The following FGF14 variants were observed in gnomAD, a reference collection of about 807,000 sequenced individuals.
FGF14 encodes fibroblast growth factor homologous factor 4.
In FGF14, 5 loss-of-function variants were observed where a neutral mutation model predicts 25.5. That is an observed-to-expected ratio of 0.20 (90% CI 0.10 to 0.41). The LOEUF (loss-of-function observed/expected upper bound fraction) is 0.41. Among genes scored for constraint, FGF14 ranks in the 10% least tolerant of loss-of-function variants. FGF14 has a pLI of 1.00. For synonymous variants in FGF14, 138 were observed against 118.3 expected (o/e 1.17, Z -1.08); for missense variants, 222 against 320.1 (o/e 0.69, Z 2.34).
chr13:101,790,733 C>G (rs147089445), intron 3 of FGF14, among the ~76,000 whole-genome samples: 1 of 152,126 alleles, frequency 6.6e-6, no homozygotes, highest in Non-Finnish European at 1.5e-5. Context: ...TTAAATAGTT[C>G]TGGGCTTATG....
At chr13:101,988,977 T>C (rs530136036) in intron 1 of FGF14, among the ~76,000 whole-genome samples, 1 of 152,084 alleles carries the variant, frequency 6.6e-6, no homozygotes, top group Non-Finnish European at 1.5e-5. Context: ...CAAACATAAT[T>C]GCTTTTAAGG....
At chr13:101,935,802 C>G (rs1427600287) in intron 1 of FGF14, among the ~76,000 whole-genome samples, 1 of 152,186 alleles carries the variant, frequency 6.6e-6, no homozygotes, top group Non-Finnish European at 1.5e-5. Flanking sequence ...GATGTTCTAT[C>G]CATCCAGCAA....
intron 1 of FGF14, among the ~76,000 whole-genome samples, chr13:101,979,174 G>T (rs1385436596): frequency 6.6e-6 from 1 of 152,202 alleles, no homozygotes. Context: ...ATGCTGCACT[G>T]TTCCGTGGTT....
rs112712809 is a variant in FGF14, at chr13:102,316,644, G to GTA, written c.208+84825_208+84826dup. ...GAACTATCTCTGTATATGTGTGTGT[G>GTA]TATATATATATGCATATAAAATATT... On this transcript the variant is annotated intron_variant, in intron 1 of 4. Coordinates refer to the FGF14 transcript ENST00000376131. Among the ~76,000 whole-genome samples the GTA allele has an allele frequency of 2.2e-3, 339 of 151,992 alleles. 2 individuals carry two copies. Among genetic ancestry groups the GTA allele is most frequent in the African/African-American group, 7.4e-3 (305 of 41,426 alleles).
chr13:101,825,347 C>T (rs1356316894), intron 3 of FGF14, among the ~76,000 whole-genome samples: 1 of 152,164 alleles, frequency 6.6e-6, no homozygotes, highest in East Asian at 1.9e-4. Context: ...AGTAAAGATT[C>T]TTGAGAGTAT....
intron 1 of FGF14, among the ~76,000 whole-genome samples, chr13:101,905,099 T>A (rs1000861946): frequency 2.0e-5 from 3 of 152,170 alleles, no homozygotes. Context: ...AAAACTATTG[T>A]CCCATGCATT....
chr13:102,184,093 G>A (rs1411909647), intron 1 of FGF14, among the ~76,000 whole-genome samples: 1 of 152,154 alleles, frequency 6.6e-6, no homozygotes, highest in Non-Finnish European at 1.5e-5. Flanking sequence ...GTCACTCAGG[G>A]GACTTGGTAA....
At chr13:101,984,725 CACAT>C (rs2038465644) in intron 1 of FGF14, among the ~76,000 whole-genome samples, 1 of 152,028 alleles carries the variant, frequency 6.6e-6, no homozygotes, top group African/African-American at 2.4e-5. Context: ...TCCCCAAAGA[CACAT>C]ACATGAAGTG....
rs1479379017 is a variant in FGF14 at position 101,716,843 on chromosome 13, C to T, written c.*5988G>A. On this transcript the variant is annotated 3_prime_UTR_variant, in exon 5 of 5. Transcript: ENST00000376143. ...CTTAAATAGAAATTACAAATATTCA[C>T]TCAGTGATAGGAACAAAATGTTTAT... 2 of 150,358 alleles carry T rather than the reference C, an allele frequency of 1.3e-5. No homozygotes were observed. Among genetic ancestry groups the T allele is most frequent in the Non-Finnish European group, 1.5e-5 (1 of 67,718 alleles). The allele number at this position is 150,358 out of a possible 1,614,324, so 9.3% of individuals were successfully genotyped here.
At chr13:101,723,268 AACAC>A (rs36111495) in intron 4 of FGF14, among the ~76,000 whole-genome samples, 7 of 150,036 alleles carry the variant, frequency 4.7e-5, no homozygotes, top group Admixed American at 3.3e-4. Context: ...CATGATGTAA[AACAC>A]ACACACACAC....
chr13:101,911,527 T>C (rs1038493746), intron 1 of FGF14, among the ~76,000 whole-genome samples: 2 of 152,138 alleles, frequency 1.3e-5, no homozygotes, highest in African/African-American at 4.8e-5. Context: ...TTCAGAAACC[T>C]ATAGCAAATA....
At position 101,751,028 on chromosome 13, in the gene FGF14, G is replaced by GA. The variant is rs201850511; in HGVS notation, c.409-24219dup. Among the ~76,000 whole-genome samples the GA allele has an allele frequency of 1.3e-4, 20 of 152,196 alleles. No homozygotes were observed. In the East Asian group the frequency reaches 3.7e-3, roughly 28 times the overall value. ...TCAGTGGTTGCCAAGGTCTAGAGGA[G>GA]AGGGGGAGGGTGGAGAGAGGGAGGG... On this transcript the variant is annotated intron_variant, in intron 3 of 4. Coordinates refer to ENST00000376143, the MANE Select transcript of FGF14 (RefSeq NM_004115.4).
intron 1 of FGF14, among the ~76,000 whole-genome samples, chr13:101,879,132 T>C (rs966958518): frequency 2.6e-5 from 4 of 152,168 alleles, no homozygotes; most frequent in Non-Finnish European, 5.9e-5. Context: ...AACATTCGTG[T>C]TCAGAATACC....
chr13:101,897,028 A>T (rs1264534766), intron 1 of FGF14, among the ~76,000 whole-genome samples: 2 of 152,198 alleles, frequency 1.3e-5, no homozygotes, highest in Non-Finnish European at 2.9e-5. Context: ...TTTTCTCCCA[A>T]TTCACATTTC....
chr13:102,194,166 CTT>C (rs1306589166), intron 1 of FGF14, among the ~76,000 whole-genome samples: 2 of 152,044 alleles, frequency 1.3e-5, no homozygotes, highest in Non-Finnish European at 1.5e-5. Context: ...GCTAGGGAGA[CTT>C]TTTCTATGTT....
At chr13:101,764,127 C>T (rs887010522) in intron 3 of FGF14, among the ~76,000 whole-genome samples, 1 of 152,140 alleles carries the variant, frequency 6.6e-6, no homozygotes, top group African/African-American at 2.4e-5. Flanking sequence ...ATTGTTGGCA[C>T]TGAGTGGAAA....
intron 1 of FGF14, among the ~76,000 whole-genome samples, chr13:102,294,998 T>A (rs1309429239): frequency 1.3e-5 from 2 of 152,214 alleles, no homozygotes; most frequent in African/African-American, 4.8e-5. Flanking sequence ...CAAAATATTT[T>A]AAAATACCTA....
chr13:101,883,044 T>A (rs2045800434), intron 1 of FGF14, among the ~76,000 whole-genome samples: 1 of 152,180 alleles, frequency 6.6e-6, no homozygotes, highest in African/African-American at 2.4e-5. Context: ...ACATCTACAC[T>A]TTTAACCAGA....
chr13:101,978,548 C>G (rs545439978), intron 1 of FGF14, among the ~76,000 whole-genome samples: 1 of 152,180 alleles, frequency 6.6e-6, no homozygotes, highest in East Asian at 1.9e-4. Flanking sequence ...GTGGTGAAAA[C>G]AAAGAGATAG....
Sources: gnomAD v4.1 joint callset for allele counts (sites outside exome capture counted in the v4.1 genomes callset) on GRCh38, gnomAD v4.1.1 for gene constraint, MANE v1.5 for transcripts, NCBI Gene and HGNC (gene_info 2026-07-23, HGNC 2026-07-21) for gene names.